KIAA0825: variants seen among roughly 807,000 people sequenced by gnomAD.
The protein encoded by KIAA0825 is KIAA0825.
Under a neutral mutation model 147.6 loss-of-function variants are expected in KIAA0825, and 119 were observed. That is an observed-to-expected ratio of 0.81 (90% CI 0.69 to 0.94). KIAA0825 has a LOEUF of 0.94. Among genes scored for constraint, KIAA0825 ranks in the 40% least tolerant of loss-of-function variants. KIAA0825 has a pLI of 0.00. For missense variants in KIAA0825, 1,381 were observed against 1,472.7 expected, an observed-to-expected ratio of 0.94 and a Z score of 1.02; for synonymous variants, 470 against 518.1, an observed-to-expected ratio of 0.91 and a Z score of 1.26.
At chr5:94,534,504 T>A (rs1452957509) in intron 3 of KIAA0825, among the ~76,000 whole-genome samples, 1 of 152,180 alleles carries the variant, frequency 6.6e-6, no homozygotes, top group African/African-American at 2.4e-5. Context: ...AGATCAATGG[T>A]CACTTGAAGA....
intron 20 of KIAA0825, among the ~76,000 whole-genome samples, chr5:94,368,581 C>G (rs1246785771): frequency 6.6e-6 from 1 of 152,122 alleles, no homozygotes; most frequent in Non-Finnish European, 1.5e-5. Flanking sequence ...AAAACAGGCT[C>G]TGGAGGCATG....
At chr5:94,186,730 A>G (rs1354984730) in intron 20 of KIAA0825, among the ~76,000 whole-genome samples, 2 of 152,226 alleles carry the variant, frequency 1.3e-5, no homozygotes. Flanking sequence ...AGCATTGTTC[A>G]TTCATTAGAA....
At chr5:94,452,905 A>C (rs911592924) in intron 13 of KIAA0825, 54 bp downstream of exon 13, 1 of 974,988 alleles carries the variant, frequency 1.0e-6, no homozygotes, top group Middle Eastern at 2.8e-4. Context: ...ATTTCTATTA[A>C]ATTTTAAAAG....
At position 94,181,693 on chromosome 5, in the gene KIAA0825, C is replaced by T. The variant is rs56360112; in HGVS notation, c.3711-27569G>A. ...GGATAGCTAGGAGAGAACAGGACTACATCAAGGTAAAGAGAATAAACAGCA... is the reference window on the plus strand; with the variant it reads ...GGATAGCTAGGAGAGAACAGGACTATATCAAGGTAAAGAGAATAAACAGCA... On this transcript the variant is annotated intron_variant, in intron 20 of 20. Coordinates refer to ENST00000682413, the MANE Select transcript of KIAA0825 (RefSeq NM_001145678.3). Among the ~76,000 whole-genome samples, 628 of 152,222 alleles carry T rather than the reference C, an allele frequency of 4.1e-3. 7 individuals are homozygous for T. Among genetic ancestry groups the T allele is most frequent in the African/African-American group, 0.014 (601 of 41,550 alleles).
intron 20 of KIAA0825, among the ~76,000 whole-genome samples, chr5:94,298,424 G>T (rs1584037876): frequency 6.6e-6 from 1 of 152,146 alleles, no homozygotes; most frequent in East Asian, 1.9e-4. Flanking sequence ...TTGTGGAAAT[G>T]CTCATCTCTT....
chr5:94,259,552 T>C (rs542482797), intron 20 of KIAA0825, among the ~76,000 whole-genome samples: 1 of 152,144 alleles, frequency 6.6e-6, no homozygotes, highest in African/African-American at 2.4e-5. Context: ...AGCAGTATTT[T>C]CCTCTATAGT....
chr5:94,160,785 A>C (rs932571926), intron 20 of KIAA0825, among the ~76,000 whole-genome samples: 1 of 151,988 alleles, frequency 6.6e-6, no homozygotes, highest in Non-Finnish European at 1.5e-5. Flanking sequence ...CAAACAGTGA[A>C]GAGTAAAGTC....
intron 1 of KIAA0825, among the ~76,000 whole-genome samples, chr5:94,600,993 G>A (rs1786317958): frequency 6.6e-6 from 1 of 152,158 alleles, no homozygotes; most frequent in South Asian, 2.1e-4. Flanking sequence ...AGGTGTTTCA[G>A]CAACTTAGCT....
At chr5:94,321,402 GT>G (rs994845895) in intron 20 of KIAA0825, among the ~76,000 whole-genome samples, 5 of 151,940 alleles carry the variant, frequency 3.3e-5, no homozygotes, top group Admixed American at 2.0e-4. Context: ...ATTATTTGAA[GT>G]TTTTTATTTG....
At chr5:94,288,475 G>A (rs1352338919) in intron 20 of KIAA0825, among the ~76,000 whole-genome samples, 4 of 152,160 alleles carry the variant, frequency 2.6e-5, no homozygotes, top group African/African-American at 7.2e-5. Flanking sequence ...CATAGACACT[G>A]GAAGAAAGCT....
intron 20 of KIAA0825, among the ~76,000 whole-genome samples, chr5:94,356,118 T>G (rs987089474): frequency 9.9e-5 from 15 of 152,148 alleles, no homozygotes. Context: ...GCATCATGCT[T>G]AATTCTATTT....
intron 20 of KIAA0825, among the ~76,000 whole-genome samples, chr5:94,275,458 A>G (rs1440486751): frequency 6.6e-6 from 1 of 152,186 alleles, no homozygotes; most frequent in African/African-American, 2.4e-5. Flanking sequence ...TAAAAAATAT[A>G]TCTTAAAGAA....
At chr5:94,617,219 G>C (rs1790772934) in intron 1 of KIAA0825, among the ~76,000 whole-genome samples, 1 of 152,112 alleles carries the variant, frequency 6.6e-6, no homozygotes, top group Non-Finnish European at 1.5e-5. Context: ...ACTAGTTGCT[G>C]TACAGATATA....
At chr5:94,171,553 C>T (rs1768615123) in intron 20 of KIAA0825, among the ~76,000 whole-genome samples, 2 of 152,118 alleles carry the variant, frequency 1.3e-5, no homozygotes, top group Admixed American at 1.3e-4. Context: ...CATTGTTTGG[C>T]AAGTAATAGG....
chr5:94,413,706 G>A (rs190980261), intron 15 of KIAA0825: 51 of 152,276 alleles, frequency 3.3e-4, no homozygotes, highest in African/African-American at 1.2e-3. Flanking sequence ...TATCTTTATC[G>A]TTGTGGTTGT....
intron 20 of KIAA0825, among the ~76,000 whole-genome samples, chr5:94,207,045 A>C (rs995680872): frequency 2.6e-5 from 4 of 152,132 alleles, no homozygotes; most frequent in African/African-American, 9.7e-5. Context: ...ATAAGGAATT[A>C]TGTTTCTTCT....
chr5:94,397,386 G>C (rs971527988), intron 16 of KIAA0825, among the ~76,000 whole-genome samples: 3 of 152,070 alleles, frequency 2.0e-5, no homozygotes, highest in African/African-American at 7.2e-5. Flanking sequence ...GTTCTTCCTT[G>C]TTTGGTGCTA....
chr5:94,592,546 A>G (rs1028568516), intron 1 of KIAA0825, among the ~76,000 whole-genome samples: 2 of 152,210 alleles, frequency 1.3e-5, no homozygotes, highest in African/African-American at 4.8e-5. Flanking sequence ...TGTTGGGACC[A>G]GGAATAACCC....
chr5:94,482,011 C>T (rs753831017), intron 6 of KIAA0825, among the ~76,000 whole-genome samples: 3 of 152,032 alleles, frequency 2.0e-5, no homozygotes, highest in Non-Finnish European at 4.4e-5. Flanking sequence ...ACGGCCACTC[C>T]ATAAGATATC....
Sources: gnomAD v4.1 joint callset for allele counts (sites outside exome capture counted in the v4.1 genomes callset) on GRCh38, gnomAD v4.1.1 for gene constraint, MANE v1.5 for transcripts, NCBI Gene and HGNC (gene_info 2026-07-23, HGNC 2026-07-21) for gene names.